PREP: variants seen among roughly 807,000 people sequenced by gnomAD.
The protein encoded by PREP is prolyl endopeptidase, also known as dJ355L5.1 (prolyl endopeptidase).
A neutral mutation model predicts 87.6 loss-of-function variants in PREP; 29 were observed. That is an observed-to-expected ratio of 0.33 (90% CI 0.25 to 0.45). The LOEUF is 0.45. Among genes scored for constraint, PREP ranks in the 20% least tolerant of loss-of-function variants. The pLI is 1.00. For missense variants in PREP, 695 were observed against 886.5 expected, an observed-to-expected ratio of 0.78 and a Z score of 2.74; for synonymous variants, 337 against 328.6, an observed-to-expected ratio of 1.03 and a Z score of -0.28.
At chr6:105,382,044 A>C (rs906867426) in intron 2 of PREP, among the ~76,000 whole-genome samples, 1 of 152,124 alleles carries the variant, frequency 6.6e-6, no homozygotes, top group Non-Finnish European at 1.5e-5. Context: ...CTACGAAATA[A>C]GCCAGGCACG....
Position 105,278,121 on chromosome 6 carries a change from T to C in PREP, c.*23A>G. The C allele has an allele frequency of 6.3e-7, 1 of 1,592,278 alleles. No individual in the cohort carries two copies. Among genetic ancestry groups the C allele is most frequent in the Non-Finnish European group, 8.6e-7 (1 of 1,165,648 alleles). On this transcript the variant is annotated 3_prime_UTR_variant, in exon 15 of 15. Transcript: ENST00000652536. This position sits in a 1 kb window ranked among gnomAD's most constrained non-coding sequence, Gnocchi z 4.2. The stretch of plus-strand genomic sequence containing the variant: ...AAGCCCTTGAGGTTTTCTGTCGCTG[T>C]CAGGAGGAAGCACGAAAACTGTTTA...
At chr6:105,341,277 T>A (rs542279194) in intron 7 of PREP, among the ~76,000 whole-genome samples, 1 of 152,118 alleles carries the variant, frequency 6.6e-6, no homozygotes, top group Non-Finnish European at 1.5e-5. Flanking sequence ...CAACCTGCTC[T>A]TCAATGACTA....
Position 105,328,891 on chromosome 6 carries a change from C to T in PREP, c.1151G>A (p.Gly384Glu). ...AGTGTCCTTCTTCTGACCGCTGTAC[C>T]CTACAATGCTGCCGACATCGAGCGG... is the stretch of plus-strand genomic sequence containing the variant. ...TFPLDVGSIV[G>E]YSGQKKDTEI... is the part of the protein sequence containing the mutation. The change falls in exon 9 of 15, where the codon GGG becomes GAG. Residue 384 changes from glycine to glutamate, a missense_variant. By Grantham distance (98) the Gly-to-Glu change is moderately conservative. Coordinates refer to ENST00000652536, the MANE Select transcript of PREP (RefSeq NM_002726.5). 1 of 1,614,038 alleles carries T rather than the reference C, an allele frequency of 6.2e-7. No individual in the cohort carries two copies. Among genetic ancestry groups the T allele is most frequent in the Non-Finnish European group, 8.5e-7 (1 of 1,180,020 alleles).
intron 1 of PREP, 34 bp downstream of exon 1, chr6:105,402,813 C>T (rs1773470021): frequency 3.9e-6 from 6 of 1,528,976 alleles, no homozygotes; most frequent in African/African-American, 1.4e-5. Flanking sequence ...CACCTTTGCC[C>T]GGGAGCCCTC....
At chr6:105,357,677 A>C (rs1296511107) in intron 6 of PREP, among the ~76,000 whole-genome samples, 1 of 152,196 alleles carries the variant, frequency 6.6e-6, no homozygotes, top group Non-Finnish European at 1.5e-5. Context: ...TTTAAACAAC[A>C]CACACTTAAT....
At chr6:105,324,398 C>G (rs1443396036) in intron 9 of PREP, among the ~76,000 whole-genome samples, 1 of 152,242 alleles carries the variant, frequency 6.6e-6, no homozygotes, top group Non-Finnish European at 1.5e-5. Flanking sequence ...GATTAATATA[C>G]ATACTAAGAA....
At position 105,337,568 on chromosome 6, in the gene PREP, T is replaced by C. The variant is rs141536567; in HGVS notation, c.824-4063A>G. Reference sequence around the variant, plus strand: ...TTTATTTTTATCAGTCATCCTTACATTGACAGTATGTCTCAGCCGACTCCC... The same window carrying C: ...TTTATTTTTATCAGTCATCCTTACACTGACAGTATGTCTCAGCCGACTCCC... On this transcript the variant is annotated intron_variant, in intron 7 of 14. Transcript: ENST00000652536. Among the ~76,000 whole-genome samples the C allele has an allele frequency of 2.3e-3, 355 of 152,310 alleles. 1 individual carries two copies. The highest frequency in any genetic ancestry group is 8.1e-3 in the African/African-American group (335 of 41,570).
rs755464198 is a variant in PREP at position 105,333,418 on chromosome 6, G to A, written c.911C>T (p.Thr304Met). The change falls in exon 8 of 15, where the codon ACG becomes ATG. Residue 304 changes from threonine to methionine, a missense_variant. Physicochemically the swap from Thr to Met is moderately conservative, Grantham distance 81. Around this residue, in one of 5 missense-constraint regions of PREP, gnomAD observed 517 missense variants for 620.3 expected, o/e 0.83. Coordinates refer to ENST00000652536, the MANE Select transcript of PREP (RefSeq NM_002726.5). ...GCGATAGTTGGGAGACTGGCGATTC[G>A]TCTTGAATGTGAACACCGTCCCCTC... ...TNEGTVFTFKTNRQSPNYRVI... is the reference protein window; with the variant it reads ...TNEGTVFTFKMNRQSPNYRVI... 7.4e-6 allele frequency: 12 copies of A among 1,614,100 alleles called. No homozygotes were observed. The highest frequency in any genetic ancestry group is 2.2e-5 in the East Asian group (1 of 44,878).
At chr6:105,366,313 C>T (rs998363053) in intron 6 of PREP, among the ~76,000 whole-genome samples, 25 of 152,132 alleles carry the variant, frequency 1.6e-4, no homozygotes, top group Non-Finnish European at 3.4e-4. Flanking sequence ...TTTGTGTGCC[C>T]TTTCCTCTTG....
intron 8 of PREP, among the ~76,000 whole-genome samples, chr6:105,332,432 C>T (rs1002263393): frequency 6.6e-6 from 1 of 152,164 alleles, no homozygotes; most frequent in Admixed American, 6.5e-5. Flanking sequence ...TGCTTTAATT[C>T]ACGGAAAAAC....
At chr6:105,362,287 C>A (rs1026512206) in intron 6 of PREP, among the ~76,000 whole-genome samples, 1 of 152,112 alleles carries the variant, frequency 6.6e-6, no homozygotes, top group African/African-American at 2.4e-5. Flanking sequence ...ATGGTGAAAC[C>A]CCGTCTCTAC....
chr6:105,392,578 T>C (rs1187620187), intron 2 of PREP, among the ~76,000 whole-genome samples: 1 of 152,080 alleles, frequency 6.6e-6, no homozygotes, highest in Non-Finnish European at 1.5e-5. Flanking sequence ...ACAAATGTAG[T>C]TTTTGTTTGT....
chr6:105,322,294 G>T, intron 10 of PREP: 1 of 919,814 alleles, frequency 1.1e-6, no homozygotes, highest in Non-Finnish European at 1.3e-6. Flanking sequence ...TATTTCTAAC[G>T]TTGATTGAAA....
chr6:105,399,618 G>A (rs1773372175), intron 1 of PREP, among the ~76,000 whole-genome samples: 1 of 152,150 alleles, frequency 6.6e-6, no homozygotes, highest in South Asian at 2.1e-4. Context: ...TTAGCAGATT[G>A]TCACCACCGA....
intron 10 of PREP, among the ~76,000 whole-genome samples, chr6:105,316,529 G>T (rs1770873393): frequency 6.6e-6 from 1 of 152,118 alleles, no homozygotes; most frequent in Non-Finnish European, 1.5e-5. Flanking sequence ...GGAAAATGGT[G>T]GTAACAGACT....
At chr6:105,313,039 A>T (rs1220307248) in intron 10 of PREP, among the ~76,000 whole-genome samples, 22 of 152,158 alleles carry the variant, frequency 1.4e-4, no homozygotes. Context: ...CTATGACAAC[A>T]TTTCTGTCTA....
intron 2 of PREP, among the ~76,000 whole-genome samples, chr6:105,378,421 C>A (rs1271399302): frequency 6.6e-6 from 1 of 152,226 alleles, no homozygotes; most frequent in Non-Finnish European, 1.5e-5. Context: ...GATCGTGCCA[C>A]TGCACTCCAG....
chr6:105,292,608 C>T (rs879687761), intron 10 of PREP, among the ~76,000 whole-genome samples: 7 of 152,154 alleles, frequency 4.6e-5, no homozygotes, highest in Non-Finnish European at 1.0e-4. Context: ...GGTAAATGAA[C>T]ACTGGCTTAG....
intron 2 of PREP, among the ~76,000 whole-genome samples, chr6:105,395,240 CA>C: frequency 6.6e-6 from 1 of 152,328 alleles, no homozygotes; most frequent in East Asian, 1.9e-4. Flanking sequence ...TGAGGGCCTA[CA>C]AAGGCACATG....
Sources: gnomAD v4.1 joint callset for allele counts (sites outside exome capture counted in the v4.1 genomes callset) on GRCh38, gnomAD v4.1.1 for gene constraint, gnomAD v4.1.1 regional missense constraint, Gnocchi (gnomAD v3.1) non-coding constraint, MANE v1.5 for transcripts, NCBI Gene and HGNC (gene_info 2026-07-23, HGNC 2026-07-21) for gene names.